Variants in EIF5 observed in about 807,000 individuals in gnomAD.
EIF5 encodes the protein eukaryotic translation initiation factor 5.
Under a neutral mutation model 48.3 loss-of-function variants are expected in EIF5, and 10 were observed. The ratio of observed to expected loss-of-function variants is 0.21; its 90% CI spans 0.13 to 0.35. The LOEUF is 0.35. EIF5 is among the 10% of genes least tolerant of loss of function. EIF5 has a pLI of 1.00. For synonymous variants in EIF5, 237 were observed against 173.1 expected, an observed-to-expected ratio of 1.37 and a Z score of -2.90; for missense variants, 397 against 533.2, an observed-to-expected ratio of 0.74 and a Z score of 2.51.
intron 2 of EIF5, 93 bp downstream of exon 2, chr14:103,334,690 G>A (rs2089261029): frequency 6.8e-6 from 1 of 146,714 alleles, no homozygotes; most frequent in Admixed American, 6.8e-5. Flanking sequence ...GCGCAGTTTG[G>A]GCGGACGGCG....
intron 2 of EIF5, chr14:103,335,326 T>C (rs1289546337): frequency 6.4e-6 from 1 of 155,988 alleles, no homozygotes; most frequent in Non-Finnish European, 1.4e-5. Context: ...TCGGGTTCGT[T>C]CTTCAGCACT....
chr14:103,338,321 C>T lies in EIF5; in HGVS notation c.440-6C>T, dbSNP rs1218540830. ...GTTAAATTTTTATTTCCCTTTTTTT[C>T]TGTAGAGAATAGTGACAGTGGTACA... On this transcript the variant is annotated splice_region_variant and splice_polypyrimidine_tract_variant and intron_variant, in intron 6 of 11. Transcript: ENST00000216554. 4 of 1,603,890 alleles carry T rather than the reference C, an allele frequency of 2.5e-6. No individual in the cohort carries two copies. The highest frequency in any genetic ancestry group is 3.4e-6 in the Non-Finnish European group (4 of 1,176,970).
At chr14:103,336,366 A>C (rs1366861343) in intron 4 of EIF5, 1 of 581,094 alleles carries the variant, frequency 1.7e-6, no homozygotes, top group Non-Finnish European at 3.0e-6. Context: ...GCGGATCGCG[A>C]GGTCAGGAGT....
Position 103,336,822 on chromosome 14 carries a change from T to C in EIF5, c.300T>C (p.Pro100=), listed in dbSNP as rs750013485. The C allele has an allele frequency of 1.2e-6, 2 of 1,613,416 alleles. No individual in the cohort carries two copies. Among genetic ancestry groups the C allele is most frequent in the Non-Finnish European group, 8.5e-7 (1 of 1,179,848 alleles). ...TCATTAAAAAATTTGTTCTCTGTCC[T>C]GAATGTGAGAATCCTGAAACAGATT... ...DGFIKKFVLC[P]ECENPETDLH... is the part of the protein sequence containing the mutation. Residue 100 remains proline, a synonymous_variant, in exon 5 of 12, where the codon CCT becomes CCC. Transcript: ENST00000216554.
rs1432295123 is a variant in EIF5 at position 103,341,972 on chromosome 14, TAGAC to T, written c.*922_*925del. On this transcript the variant is annotated 3_prime_UTR_variant, in exon 12 of 12. Transcript: ENST00000216554. ...GGTTTAAATTACAATTCCAAAATGT[TAGAC>T]ATACTGTATTTTTTCGTTCAGTGTG... 1 of 152,664 alleles carries T rather than the reference TAGAC, an allele frequency of 6.6e-6. No homozygotes were observed. The highest frequency in any genetic ancestry group is 2.4e-5 in the African/African-American group (1 of 41,460). 9.5% of individuals were successfully genotyped at this position (152,664 alleles called of 1,614,324 possible). A position where few individuals can be genotyped will look rare whatever the true frequency, so the allele number is the denominator to read the frequency against.
At position 103,342,089 on chromosome 14, in the gene EIF5, C is replaced by CT. The variant is rs2089359811; in HGVS notation, c.*1039dup. ...ATGCTTTTTAGATTTTGGTTGCTTT[C>CT]TTGCCAAAATAAGTGTTAACTGTGT... is the stretch of plus-strand genomic sequence containing the variant. On this transcript the variant is annotated 3_prime_UTR_variant, in exon 12 of 12. Coordinates refer to ENST00000216554, the MANE Select transcript of EIF5 (RefSeq NM_001969.5). The CT allele has an allele frequency of 6.6e-6, 1 of 152,280 alleles. No individual in the cohort carries two copies. The highest frequency in any genetic ancestry group is 1.5e-5 in the Non-Finnish European group (1 of 67,960). The allele number at this position is 152,280 out of a possible 1,614,324, so 9.4% of individuals were successfully genotyped here.
rs1394638298 is a variant in EIF5 at position 103,342,098 on chromosome 14, A to C, written c.*1046A>C. 6.6e-6 allele frequency: 1 copy of C among 152,576 alleles called. No individual in the cohort carries two copies. Among genetic ancestry groups the C allele is most frequent in the African/African-American group, 2.4e-5 (1 of 41,430 alleles). The allele number at this position is 152,576 out of a possible 1,614,324, so 9.5% of individuals were successfully genotyped here. A position where few individuals can be genotyped will look rare whatever the true frequency, so the allele number is the denominator to read the frequency against. On this transcript the variant is annotated 3_prime_UTR_variant, in exon 12 of 12. Transcript: ENST00000216554. ...AGATTTTGGTTGCTTTCTTGCCAAA[A>C]TAAGTGTTAACTGTGTTTCAAACTT...
chr14:103,335,017 C>A (rs1164077633), intron 2 of EIF5: 1 of 152,222 alleles, frequency 6.6e-6, no homozygotes, highest in African/African-American at 2.4e-5. Flanking sequence ...CGCCAGCCCC[C>A]GCGGAAACGC....
At position 103,335,727 on chromosome 14, in the gene EIF5, G is replaced by A; in HGVS notation, c.-134G>A. 1 of 1,026,594 alleles carries A rather than the reference G, an allele frequency of 9.7e-7. No homozygotes were observed. Among genetic ancestry groups the A allele is most frequent in the East Asian group, 2.5e-5 (1 of 40,412 alleles). 63.6% of individuals were successfully genotyped at this position (1,026,594 alleles called of 1,614,324 possible). Reference sequence around the variant, plus strand: ...GCAAGAAGCTTACAGCCTCAGTGGCGAAAATTTTTTCATGTCAGAGACCGA... The same window carrying A: ...GCAAGAAGCTTACAGCCTCAGTGGCAAAAATTTTTTCATGTCAGAGACCGA... On this transcript the variant is annotated 5_prime_UTR_variant, in exon 3 of 12. Coordinates refer to ENST00000216554, the MANE Select transcript of EIF5 (RefSeq NM_001969.5).
chr14:103,336,822 T>G lies in EIF5; in HGVS notation c.300T>G (p.Pro100=). The part of the protein sequence containing the change: ...DGFIKKFVLC[P]ECENPETDLH... The stretch of plus-strand genomic sequence containing the variant: ...TCATTAAAAAATTTGTTCTCTGTCC[T>G]GAATGTGAGAATCCTGAAACAGATT... The change falls in exon 5 of 12, where the codon CCT becomes CCG. Residue 100 remains proline, a synonymous_variant. Transcript: ENST00000216554. 6.2e-7 allele frequency: 1 copy of G among 1,613,416 alleles called. No individual in the cohort carries two copies. Among genetic ancestry groups the G allele is most frequent in the East Asian group, 2.2e-5 (1 of 44,874 alleles).
rs773479803 is a variant in EIF5 at position 103,336,128 on chromosome 14, C to T, written c.154+11C>T. On this transcript the variant is annotated intron_variant, in intron 4 of 11. Coordinates refer to ENST00000216554, the MANE Select transcript of EIF5 (RefSeq NM_001969.5). ...ATCGGCCTCCAACGTGTAAGTAAAGCTTGGAAAAGTCCACAGGGCATATTA... is the reference window on the plus strand; with the variant it reads ...ATCGGCCTCCAACGTGTAAGTAAAGTTTGGAAAAGTCCACAGGGCATATTA... 3 of 1,613,382 alleles carry T rather than the reference C, an allele frequency of 1.9e-6. No individual in the cohort carries two copies. Among genetic ancestry groups the T allele is most frequent in the African/African-American group, 1.3e-5 (1 of 74,986 alleles).
intron 6 of EIF5, chr14:103,337,932 TTC>T (rs1268989010): frequency 3.8e-6 from 2 of 527,850 alleles, no homozygotes; most frequent in Non-Finnish European, 7.5e-6. Flanking sequence ...TATTCCGGTG[TTC>T]TCTCTCCCAT....
intron 5 of EIF5, 88 bp from the exon 6 acceptor site, chr14:103,337,028 T>G: frequency 7.2e-7 from 1 of 1,379,910 alleles, no homozygotes. Context: ...AAGTTTTCTT[T>G]GCATGTGAAG....
Position 103,334,242 on chromosome 14 carries a change from G to C in EIF5, c.-436G>C, listed in dbSNP as rs975283974. ...GCGCGGCGGCGGCGTTGTTCAGTCA[G>C]AGCGAGAACATTCCAGAGGTGAGTC... On this transcript the variant is annotated 5_prime_UTR_variant, in exon 1 of 12. Transcript: ENST00000216554. The C allele has an allele frequency of 6.5e-6, 1 of 152,824 alleles. No individual in the cohort carries two copies. The highest frequency in any genetic ancestry group is 1.9e-4 in the East Asian group (1 of 5,178). The allele number at this position is 152,824 out of a possible 1,614,324, so 9.5% of individuals were successfully genotyped here. A position where few individuals can be genotyped will look rare whatever the true frequency, so the allele number is the denominator to read the frequency against.
chr14:103,338,124 A>T lies in EIF5; in HGVS notation c.440-203A>T, dbSNP rs1031290010. 2.7e-5 allele frequency: 20 copies of T among 752,044 alleles called. No individual in the cohort carries two copies. The African/African-American group carries it at 3.0e-4, about 11-fold the overall frequency. 46.6% of individuals were successfully genotyped at this position (752,044 alleles called of 1,614,324 possible). ...TACAATACCCCTAATATTTTGTGTC[A>T]CTCCATTCTTAGACTAACATTCTTA... On this transcript the variant is annotated intron_variant, in intron 6 of 11. Transcript: ENST00000216554.
chr14:103,338,419 A>G lies in EIF5; in HGVS notation c.532A>G (p.Thr178Ala), dbSNP rs148191276. The G allele has an allele frequency of 1.3e-4, 205 of 1,600,438 alleles. No individual in the cohort carries two copies. In the Middle Eastern group the frequency reaches 1.8e-3, roughly 14 times the overall value. Residue 178 changes from threonine (T) to alanine (A), a missense_variant, in exon 7 of 12, where the codon ACA becomes GCA. Around this residue, in one of 4 missense-constraint regions of EIF5, gnomAD observed 126 missense variants for 141.9 expected, o/e 0.89. Coordinates refer to ENST00000216554, the MANE Select transcript of EIF5 (RefSeq NM_001969.5). ...AAATGGCTCCGTATCCAGCAGTGAG[A>G]CACCACCACCACCACCACCACCAAA... ...KENGSVSSSE[T>A]PPPPPPPNEI...
At position 103,340,573 on chromosome 14, in the gene EIF5, G is replaced by C. The variant is rs1292739089; in HGVS notation, c.1206+12G>C. The C allele has an allele frequency of 6.2e-7, 1 of 1,606,446 alleles. No homozygotes were observed. The highest frequency in any genetic ancestry group is 2.2e-5 in the East Asian group (1 of 44,634). On this transcript the variant is annotated intron_variant, in intron 11 of 11. Coordinates refer to ENST00000216554, the MANE Select transcript of EIF5 (RefSeq NM_001969.5). ...ATGAGAACATTGAGGTAAACATTGG[G>C]GGAGGAGGGTATTGGATACAGTGCT...
At position 103,341,123 on chromosome 14, in the gene EIF5, C is replaced by T. The variant is rs1595365899; in HGVS notation, c.*71C>T. 7.3e-7 allele frequency: 1 copy of T among 1,379,082 alleles called. No individual in the cohort carries two copies. Among genetic ancestry groups the T allele is most frequent in the Non-Finnish European group, 1.0e-6 (1 of 970,068 alleles). The allele number at this position is 1,379,082 out of a possible 1,614,324, so 85.4% of individuals were successfully genotyped here. On this transcript the variant is annotated 3_prime_UTR_variant, in exon 12 of 12. Transcript: ENST00000216554. ...CCTCCATTATCAGCCAGAAGTGCAA[C>T]ATGTATGTGCAAAAGCTAAAATGGC...
At chr14:103,337,669 G>T (rs2089303757) in intron 6 of EIF5, 1 of 347,694 alleles carries the variant, frequency 2.9e-6, no homozygotes, top group Non-Finnish European at 5.6e-6. Flanking sequence ...TTTCAAAAGT[G>T]TATTGTTAAT....
Sources: gnomAD v4.1 joint callset for allele counts on GRCh38, gnomAD v4.1.1 for gene constraint, gnomAD v4.1.1 regional missense constraint, MANE v1.5 for transcripts, NCBI Gene and HGNC (gene_info 2026-07-23, HGNC 2026-07-21) for gene names.